The following TCF4 variants were observed in gnomAD, a reference collection of about 807,000 sequenced individuals.
TCF4 encodes the protein SL3-3 enhancer factor 2.
A neutral mutation model predicts 82.1 loss-of-function variants in TCF4; 3 were observed. That is an observed-to-expected ratio of 0.04 (90% confidence interval 0.02 to 0.09). The LOEUF (loss-of-function observed/expected upper bound fraction) is 0.09. Among genes scored for constraint, TCF4 ranks in the 10% least tolerant of loss-of-function variants. The pLI is 1.00. For missense variants in TCF4, 518 were observed against 852.7 expected (o/e 0.61, Z 4.89); for synonymous variants, 276 against 309.6 (o/e 0.89, Z 1.14).
intron 3 of TCF4, among the ~76,000 whole-genome samples, chr18:55,521,108 G>T (rs941279876): frequency 6.6e-6 from 1 of 152,118 alleles, no homozygotes; most frequent in Non-Finnish European, 1.5e-5. Flanking sequence ...TTCTGGAAGC[G>T]AGTTTATTTG....
At chr18:55,594,050 AC>A (rs1483951033) in intron 2 of TCF4, among the ~76,000 whole-genome samples, 2 of 152,202 alleles carry the variant, frequency 1.3e-5, no homozygotes, top group African/African-American at 2.4e-5. Flanking sequence ...GCAGCTGGCA[AC>A]AGGGATGGGG....
chr18:55,477,413 A>G (rs1046297801), intron 3 of TCF4, among the ~76,000 whole-genome samples: 3 of 152,264 alleles, frequency 2.0e-5, no homozygotes, highest in Non-Finnish European at 2.9e-5. Context: ...AATACTTGCT[A>G]ATGTTCACAA....
chr18:55,353,378 A>G (rs1027635753), intron 6 of TCF4, among the ~76,000 whole-genome samples: 25 of 152,330 alleles, frequency 1.6e-4, no homozygotes, highest in Middle Eastern at 3.4e-3. Context: ...GTGCAGTAAC[A>G]TAGCACTAGG....
At chr18:55,422,188 C>T (rs2094795870) in intron 5 of TCF4, 2 of 974,654 alleles carry the variant, frequency 2.1e-6, no homozygotes, top group Non-Finnish European at 2.4e-6. Flanking sequence ...GCTTTTCTTT[C>T]GACCTTATGG....
At chr18:55,562,686 T>G (rs962775429) in intron 3 of TCF4, among the ~76,000 whole-genome samples, 1 of 152,184 alleles carries the variant, frequency 6.6e-6, no homozygotes, top group Non-Finnish European at 1.5e-5. Context: ...TATTTCACCT[T>G]CTTGATTTTT....
At chr18:55,350,780 G>C in intron 7 of TCF4, 94 bp downstream of exon 7, 1 of 1,564,100 alleles carries the variant, frequency 6.4e-7, no homozygotes, top group Non-Finnish European at 8.7e-7. Context: ...CTTGGGGTGG[G>C]AGGTAGGATG....
intron 6 of TCF4, among the ~76,000 whole-genome samples, chr18:55,365,191 A>ATATATATATATATATATATATGTGTG (rs1361444592): frequency 1.0e-5 from 1 of 97,944 alleles, no homozygotes; most frequent in African/African-American, 5.0e-5. Context: ...ATATATATAT[A>ATATATATATATATATATATATGTGTG]TGTGTGTGTG....
chr18:55,434,782 G>GTGTA (rs980743499), intron 5 of TCF4, among the ~76,000 whole-genome samples: 1 of 151,268 alleles, frequency 6.6e-6, no homozygotes, highest in African/African-American at 2.4e-5. Context: ...GTGTGTGTGT[G>GTGTA]TGTGTGTGTG....
At chr18:55,359,308 T>A (rs2084449188) in intron 6 of TCF4, among the ~76,000 whole-genome samples, 1 of 152,232 alleles carries the variant, frequency 6.6e-6, no homozygotes, top group African/African-American at 2.4e-5. Context: ...TTATTTCTTT[T>A]CCCCCAGTCT....
chr18:55,432,799 G>C (rs1250530005), intron 5 of TCF4, among the ~76,000 whole-genome samples: 2 of 152,200 alleles, frequency 1.3e-5, no homozygotes, highest in Non-Finnish European at 2.9e-5. Context: ...CCACAGAGGA[G>C]TCTAATTCCA....
At chr18:55,526,617 G>C (rs764971524) in intron 3 of TCF4, among the ~76,000 whole-genome samples, 1 of 152,160 alleles carries the variant, frequency 6.6e-6, no homozygotes, top group African/African-American at 2.4e-5. Flanking sequence ...TTGATCCCAG[G>C]AAATGTTCTG....
chr18:55,634,265 G>A (rs149484568), intron 1 of TCF4, among the ~76,000 whole-genome samples: 158 of 151,284 alleles, frequency 1.0e-3, no homozygotes, highest in East Asian at 6.2e-3. Flanking sequence ...GTGAGACTCC[G>A]TCTCAAAAAA....
intron 6 of TCF4, among the ~76,000 whole-genome samples, chr18:55,379,945 C>A (rs1040198326): frequency 6.6e-6 from 1 of 152,138 alleles, no homozygotes; most frequent in African/African-American, 2.4e-5. Flanking sequence ...ATGATCATGG[C>A]TCACTGCAGC....
rs1788027 is a variant in TCF4, at chr18:55,275,596, G to A, written c.789+23C>T. On this transcript the variant is annotated intron_variant, in intron 10 of 19. Coordinates refer to ENST00000354452, the MANE Select transcript of TCF4 (RefSeq NM_001083962.2). ...TTAATCAACTAGCTGTGACATTCCC[G>A]TTACCGTGTATGTCTGCCTTACCAA... 0.47 allele frequency: 762,061 copies of A among 1,612,902 alleles called. 184,152 individuals are homozygous for A. The highest frequency in any genetic ancestry group is 0.71 in the African/African-American group (52,975 of 74,924).
chr18:55,367,229 T>C (rs2087432922), intron 6 of TCF4, among the ~76,000 whole-genome samples: 1 of 152,266 alleles, frequency 6.6e-6, no homozygotes, highest in Admixed American at 6.5e-5. Flanking sequence ...TGATTAATTA[T>C]GTGTGCTTAT....
chr18:55,469,289 C>A (rs1200154231), intron 3 of TCF4, among the ~76,000 whole-genome samples: 1 of 151,928 alleles, frequency 6.6e-6, no homozygotes, highest in Non-Finnish European at 1.5e-5. Context: ...AATGGTGAGA[C>A]CCCATCTCTA....
chr18:55,561,651 T>C (rs1263370976), intron 3 of TCF4, among the ~76,000 whole-genome samples: 19 of 152,248 alleles, frequency 1.2e-4, no homozygotes, highest in Admixed American at 1.2e-3. Context: ...CATGACATGT[T>C]TCTCATAACA....
intron 8 of TCF4, among the ~76,000 whole-genome samples, chr18:55,303,666 A>C (rs2069155330): frequency 6.6e-6 from 1 of 152,208 alleles, no homozygotes; most frequent in Non-Finnish European, 1.5e-5. Context: ...AAGATGGATA[A>C]AAGTGGCAGG....
chr18:55,360,016 C>A (rs1179088724), intron 6 of TCF4, among the ~76,000 whole-genome samples: 1 of 152,154 alleles, frequency 6.6e-6, no homozygotes, highest in Admixed American at 6.5e-5. Flanking sequence ...GAATTTGGAA[C>A]AGGTGGGATA....
Sources: allele counts gnomAD v4.1 joint callset (sites outside exome capture counted in the v4.1 genomes callset), GRCh38; gene constraint gnomAD v4.1.1; transcripts MANE v1.5; gene names NCBI Gene and HGNC (gene_info 2026-07-23, HGNC 2026-07-21).